CLTC: variants seen among roughly 807,000 people sequenced by gnomAD.
CLTC encodes clathrin heavy chain.
Under a neutral mutation model 195.8 loss-of-function variants are expected in CLTC, and 16 were observed. The observed-to-expected ratio is 0.08, with a 90% confidence interval of 0.06 to 0.12. CLTC has a LOEUF of 0.12. CLTC is among the 10% of genes least tolerant of loss of function. CLTC has a pLI of 1.00. For missense variants in CLTC, 796 were observed against 2,027.0 expected (o/e 0.39, Z 11.66); for synonymous variants, 667 against 689.4 (o/e 0.97, Z 0.51).
intron 5 of CLTC, among the ~76,000 whole-genome samples, chr17:59,653,203 T>TA (rs1175911596): frequency 2.6e-5 from 4 of 151,200 alleles, no homozygotes; most frequent in African/African-American, 9.7e-5. Context: ...TTTATTTATT[T>TA]TTTTTTTTGA....
At chr17:59,622,062 C>T (rs1258857099) in intron 1 of CLTC, among the ~76,000 whole-genome samples, 1 of 152,112 alleles carries the variant, frequency 6.6e-6, no homozygotes, top group African/African-American at 2.4e-5. Flanking sequence ...TAAATGATCC[C>T]AAAGATTCGA....
At chr17:59,645,619 T>C (rs1049296395) in intron 2 of CLTC, among the ~76,000 whole-genome samples, 1 of 152,202 alleles carries the variant, frequency 6.6e-6, no homozygotes, top group African/African-American at 2.4e-5. Context: ...GACTAAGTTA[T>C]TAGAGGTGCT....
chr17:59,666,082 C>G lies in CLTC; in HGVS notation c.1645-21C>G, dbSNP rs779476647. 3.8e-6 allele frequency: 6 copies of G among 1,566,154 alleles called. No homozygotes were observed. The highest frequency in any genetic ancestry group is 5.3e-6 in the Non-Finnish European group (6 of 1,140,134). On this transcript the variant is annotated intron_variant, in intron 10 of 31. Coordinates refer to ENST00000269122, the MANE Select transcript of CLTC (RefSeq NM_004859.4). The surrounding 1 kb of genome is among the most constrained non-coding windows in gnomAD (Gnocchi z 4.9). ...TCTCCATAGTATCTTAAAACAATTTCTTTTAAATCTTTTTTTGTAGATTGT... is the reference window on the plus strand; with the variant it reads ...TCTCCATAGTATCTTAAAACAATTTGTTTTAAATCTTTTTTTGTAGATTGT...
Position 59,683,060 on chromosome 17 carries a change from ATTC to A in CLTC, c.3874-32_3874-30del. The A allele has an allele frequency of 1.2e-6, 2 of 1,613,936 alleles. No homozygotes were observed. The highest frequency in any genetic ancestry group is 2.2e-5 in the South Asian group (2 of 91,076). ...TGACCTGAGATCTTTTACCATAGAT[ATTC>A]TTATCTTTAACTGCACATTTCTCTT... On this transcript the variant is annotated intron_variant, in intron 24 of 31. Transcript: ENST00000269122. This position sits in a 1 kb window ranked among gnomAD's most constrained non-coding sequence, Gnocchi z 6.1.
chr17:59,692,046 C>T (rs542144217), intron 31 of CLTC, among the ~76,000 whole-genome samples: 41 of 152,272 alleles, frequency 2.7e-4, no homozygotes, highest in South Asian at 2.1e-3. Flanking sequence ...TGGCTGGGTG[C>T]AGTGGCTCAC....
chr17:59,632,671 A>G (rs1266673838), intron 1 of CLTC, among the ~76,000 whole-genome samples: 1 of 152,090 alleles, frequency 6.6e-6, no homozygotes, highest in Non-Finnish European at 1.5e-5. Context: ...CCCTAAAACT[A>G]TAAGCATCTA....
intron 1 of CLTC, among the ~76,000 whole-genome samples, chr17:59,636,086 A>G (rs967349072): frequency 1.3e-4 from 19 of 151,882 alleles, no homozygotes; most frequent in African/African-American, 4.4e-4. Flanking sequence ...GTGAGCCGAG[A>G]TCGTGCCATT....
At chr17:59,650,789 A>G (rs1346676272) in intron 4 of CLTC, among the ~76,000 whole-genome samples, 2 of 152,186 alleles carry the variant, frequency 1.3e-5, no homozygotes, top group Admixed American at 1.3e-4. Context: ...GTACAATTGT[A>G]TAATTCTGTG....
At chr17:59,651,122 C>A in intron 4 of CLTC, 81 bp from the exon 5 acceptor site, 2 of 840,028 alleles carry the variant, frequency 2.4e-6, no homozygotes, top group Middle Eastern at 2.3e-4. Flanking sequence ...TGGTTGTTTC[C>A]ATTTGGGGGC....
rs1351322771 is a variant in CLTC, at chr17:59,685,530, TTAC to T, written c.4606-54_4606-52del. The T allele has an allele frequency of 1.8e-5, 25 of 1,403,974 alleles. No homozygotes were observed. The East Asian group carries it at 5.5e-4, about 31-fold the overall frequency. The allele number at this position is 1,403,974 out of a possible 1,614,324, so 87.0% of individuals were successfully genotyped here. On this transcript the variant is annotated intron_variant, in intron 29 of 31. Transcript: ENST00000269122. This position sits in a 1 kb window ranked among gnomAD's most constrained non-coding sequence, Gnocchi z 5.0. ...GAAAGTTTCCATTGTTTTTCTTGGT[TTAC>T]TAGTTCAGTATGTGGGGTCTAATGT...
At chr17:59,643,657 G>A (rs1483974864) in intron 1 of CLTC, among the ~76,000 whole-genome samples, 18 of 152,172 alleles carry the variant, frequency 1.2e-4, no homozygotes, top group East Asian at 5.8e-4. Flanking sequence ...ACACTTTTAC[G>A]TCTCTGTGCT....
intron 9 of CLTC, among the ~76,000 whole-genome samples, chr17:59,664,299 C>T (rs1459823667): frequency 6.6e-6 from 1 of 151,856 alleles, no homozygotes; most frequent in Non-Finnish European, 1.5e-5. Flanking sequence ...CGCCTGTAAT[C>T]CCAGCACTTT....
intron 9 of CLTC, 106 bp from the exon 10 acceptor site, chr17:59,664,681 C>T (rs1270224431): frequency 1.6e-5 from 19 of 1,180,450 alleles, no homozygotes; most frequent in Non-Finnish European, 2.2e-5. Context: ...TGAATTTGTG[C>T]TTTCACCAGT....
chr17:59,669,936 T>C (rs2032810019), intron 14 of CLTC, among the ~76,000 whole-genome samples: 1 of 152,206 alleles, frequency 6.6e-6, no homozygotes, highest in African/African-American at 2.4e-5. Flanking sequence ...GGGCTCTAGA[T>C]TAAATAGCAA....
Position 59,648,558 on chromosome 17 carries a change from A to AT in CLTC, c.681+158dup, listed in dbSNP as rs1274319034. ...ATTTGTTCAAATTTTGCATCTAGTGATACTTGTCTAAAATGAATAATGTTC... is the reference window on the plus strand; with the variant it reads ...ATTTGTTCAAATTTTGCATCTAGTGATTACTTGTCTAAAATGAATAATGTTC... On this transcript the variant is annotated intron_variant, in intron 4 of 31. Coordinates refer to ENST00000269122, the MANE Select transcript of CLTC (RefSeq NM_004859.4). The surrounding 1 kb of genome is among the most constrained non-coding windows in gnomAD (Gnocchi z 4.5). The AT allele has an allele frequency of 3.1e-6, 2 of 647,714 alleles. No individual in the cohort carries two copies. The highest frequency in any genetic ancestry group is 5.9e-5 in the Admixed American group (2 of 33,664). 40.1% of individuals were successfully genotyped at this position (647,714 alleles called of 1,614,324 possible).
At chr17:59,629,614 G>A (rs532813598) in intron 1 of CLTC, among the ~76,000 whole-genome samples, 1 of 144,088 alleles carries the variant, frequency 6.9e-6, no homozygotes, top group African/African-American at 2.6e-5. Context: ...TCTGCCTCCC[G>A]GGTTCAAGCG....
intron 5 of CLTC, among the ~76,000 whole-genome samples, chr17:59,655,224 C>T (rs7223899): frequency 0.18 from 27,941 of 152,004 alleles, 3,467 homozygotes; most frequent in East Asian, 0.45. Flanking sequence ...TTATATTGGC[C>T]TAATATTGTT....
chr17:59,634,645 G>A (rs192105779), intron 1 of CLTC, among the ~76,000 whole-genome samples: 10 of 152,190 alleles, frequency 6.6e-5, no homozygotes, highest in Admixed American at 2.0e-4. Flanking sequence ...CTAAGAGCCA[G>A]TGATTCTCTC....
intron 1 of CLTC, among the ~76,000 whole-genome samples, chr17:59,628,737 C>T (rs2031623922): frequency 6.6e-6 from 1 of 152,152 alleles, no homozygotes; most frequent in South Asian, 2.1e-4. Context: ...TGGTTCACTG[C>T]AACTTCCGCC....
Sources: allele counts gnomAD v4.1 joint callset (sites outside exome capture counted in the v4.1 genomes callset), GRCh38; gene constraint gnomAD v4.1.1; non-coding constraint Gnocchi (gnomAD v3.1); transcripts MANE v1.5; gene names NCBI Gene and HGNC (gene_info 2026-07-23, HGNC 2026-07-21).